PCCA: variants seen among roughly 807,000 people sequenced by gnomAD.
PCCA encodes the protein propionyl-CoA carboxylase subunit alpha, also known as propionyl-CoA carboxylase alpha chain, mitochondrial.
A neutral mutation model predicts 101.3 loss-of-function variants in PCCA; 74 were observed. The ratio of observed to expected loss-of-function variants is 0.73; its 90% CI spans 0.61 to 0.89. The LOEUF (loss-of-function observed/expected upper bound fraction) is 0.89. Among genes scored for constraint, PCCA ranks in the 40% least tolerant of loss-of-function variants. PCCA has a pLI of 0.00. For synonymous variants in PCCA, 294 were observed against 313.6 expected (o/e 0.94, Z 0.66); for missense variants, 891 against 907.0 (o/e 0.98, Z 0.23).
At chr13:100,161,940 G>T (rs1243806926) in intron 6 of PCCA, among the ~76,000 whole-genome samples, 1 of 152,032 alleles carries the variant, frequency 6.6e-6, no homozygotes, top group Non-Finnish European at 1.5e-5. Flanking sequence ...TAATTTTTGA[G>T]AATGTAAAAT....
intron 8 of PCCA, among the ~76,000 whole-genome samples, chr13:100,245,329 A>G (rs1054736343): frequency 2.0e-5 from 3 of 152,176 alleles, no homozygotes; most frequent in African/African-American, 7.2e-5. Flanking sequence ...TTCCCAGTAG[A>G]TTCTGAACTA....
intron 18 of PCCA, among the ~76,000 whole-genome samples, chr13:100,364,725 C>T (rs905319841): frequency 6.6e-6 from 1 of 152,158 alleles, no homozygotes; most frequent in Non-Finnish European, 1.5e-5. Flanking sequence ...AGCCTTTTTC[C>T]TATATCCTGT....
intron 20 of PCCA, among the ~76,000 whole-genome samples, chr13:100,427,481 T>G (rs2079235051): frequency 1.3e-5 from 2 of 152,188 alleles, no homozygotes; most frequent in South Asian, 4.1e-4. Flanking sequence ...TATAGCTAGA[T>G]TAATAGGGAT....
chr13:100,177,635 C>T (rs1358369753), intron 6 of PCCA, among the ~76,000 whole-genome samples: 1 of 151,920 alleles, frequency 6.6e-6, no homozygotes, highest in Admixed American at 6.5e-5. Flanking sequence ...TTGCCTGGGC[C>T]CCCTGTTGAA....
chr13:100,186,506 T>C (rs2057281885), intron 6 of PCCA, among the ~76,000 whole-genome samples: 1 of 151,440 alleles, frequency 6.6e-6, no homozygotes, highest in African/African-American at 2.4e-5. Flanking sequence ...CTCTGGGAGG[T>C]TGAGGTGGGT....
At chr13:100,177,984 G>A (rs532823203) in intron 6 of PCCA, among the ~76,000 whole-genome samples, 1 of 152,204 alleles carries the variant, frequency 6.6e-6, no homozygotes, top group East Asian at 1.9e-4. Flanking sequence ...AGTAGTAGAG[G>A]TAGAATTCTG....
At chr13:100,447,054 C>G (rs2080881405) in intron 20 of PCCA, among the ~76,000 whole-genome samples, 1 of 152,118 alleles carries the variant, frequency 6.6e-6, no homozygotes, top group South Asian at 2.1e-4. Flanking sequence ...ATTTTTCTGC[C>G]TATCCTTACA....
intron 7 of PCCA, among the ~76,000 whole-genome samples, chr13:100,211,720 C>A (rs968333725): frequency 6.6e-6 from 1 of 151,972 alleles, no homozygotes; most frequent in South Asian, 2.1e-4. Flanking sequence ...CGTCAATTGC[C>A]ACCTTTTCTT....
intron 18 of PCCA, among the ~76,000 whole-genome samples, chr13:100,341,621 A>T (rs976109797): frequency 3.3e-5 from 5 of 152,178 alleles, no homozygotes; most frequent in Non-Finnish European, 5.9e-5. Flanking sequence ...TCTGTTGGAC[A>T]GCATTTGTCT....
chr13:100,149,199 G>T (rs2052979656), intron 4 of PCCA: 2 of 133,122 alleles, frequency 1.5e-5, no homozygotes, highest in African/African-American at 2.8e-5. Context: ...AATGAAGATT[G>T]ATGCAGTTGG....
intron 23 of PCCA, among the ~76,000 whole-genome samples, chr13:100,529,051 C>T (rs970424426): frequency 3.0e-4 from 45 of 152,160 alleles, no homozygotes; most frequent in African/African-American, 9.9e-4. Context: ...GGGTCTCCCT[C>T]GGCCCTCCTA....
intron 4 of PCCA, among the ~76,000 whole-genome samples, chr13:100,122,188 T>G (rs1005435566): frequency 3.3e-5 from 5 of 152,368 alleles, no homozygotes; most frequent in African/African-American, 1.2e-4. Flanking sequence ...CAGCCTTGAA[T>G]TCCTGAGATT....
At chr13:100,348,837 T>TCCTCCC (rs2072830664) in intron 18 of PCCA, among the ~76,000 whole-genome samples, 1 of 148,980 alleles carries the variant, frequency 6.7e-6, no homozygotes, top group African/African-American at 2.5e-5. Flanking sequence ...TTCTCTCTCT[T>TCCTCCC]TTTCTCTTTC....
At chr13:100,171,649 G>A (rs777797024) in intron 6 of PCCA, among the ~76,000 whole-genome samples, 3 of 152,200 alleles carry the variant, frequency 2.0e-5, no homozygotes, top group Non-Finnish European at 4.4e-5. Flanking sequence ...AGCAGTTCGG[G>A]AGGCTGAAGC....
At chr13:100,297,163 C>T (rs530575391) in intron 12 of PCCA, among the ~76,000 whole-genome samples, 1 of 152,266 alleles carries the variant, frequency 6.6e-6, no homozygotes, top group East Asian at 1.9e-4. Flanking sequence ...CCTCTTTATC[C>T]CATTATTGGT....
At chr13:100,259,523 CG>C (rs1202664094) in intron 9 of PCCA, among the ~76,000 whole-genome samples, 4 of 151,568 alleles carry the variant, frequency 2.6e-5, no homozygotes, top group African/African-American at 7.3e-5. Flanking sequence ...TTAGTAGAGA[CG>C]GGGTTTCACC....
chr13:100,185,963 C>T (rs958055052), intron 6 of PCCA, among the ~76,000 whole-genome samples: 1 of 152,196 alleles, frequency 6.6e-6, no homozygotes, highest in Non-Finnish European at 1.5e-5. Context: ...CTTTCAGTAA[C>T]ATTTATTAGT....
intron 22 of PCCA, among the ~76,000 whole-genome samples, chr13:100,521,693 T>A (rs1020191623): frequency 1.3e-5 from 2 of 152,222 alleles, no homozygotes; most frequent in Non-Finnish European, 2.9e-5. Context: ...TTTGTGACTG[T>A]TAACTGAACC....
intron 19 of PCCA, among the ~76,000 whole-genome samples, chr13:100,399,803 T>C (rs1372709085): frequency 1.3e-5 from 2 of 152,210 alleles, no homozygotes; most frequent in Non-Finnish European, 2.9e-5. Context: ...TAATATGCAG[T>C]GTATGTGATG....
Sources: allele counts gnomAD v4.1 joint callset (sites outside exome capture counted in the v4.1 genomes callset), GRCh38; gene constraint gnomAD v4.1.1; transcripts MANE v1.5; gene names NCBI Gene and HGNC (gene_info 2026-07-23, HGNC 2026-07-21).